BMP2K: variants seen among roughly 807,000 people sequenced by gnomAD.
The protein encoded by BMP2K is BMP-2-inducible protein kinase.
A neutral mutation model predicts 116.0 loss-of-function variants in BMP2K; 74 were observed. The observed-to-expected ratio is 0.64, with a 90% CI of 0.53 to 0.77. BMP2K has a LOEUF of 0.77. BMP2K is among the 30% of genes least tolerant of loss of function. The probability of loss-of-function intolerance (pLI) is 0.00; values close to 1 mark genes in which losing one functional copy is unlikely to be tolerated. For missense variants in BMP2K, 1,365 were observed against 1,403.6 expected (o/e 0.97, Z 0.44); for synonymous variants, 486 against 502.5 (o/e 0.97, Z 0.44).
chr4:78,839,758 G>T (rs957873965), intron 3 of BMP2K, among the ~76,000 whole-genome samples: 2 of 152,140 alleles, frequency 1.3e-5, no homozygotes, highest in East Asian at 1.9e-4. Flanking sequence ...ATGTTCAAGG[G>T]CAGGAAGCAT....
At chr4:78,893,237 C>CATCA (rs1489497878) in intron 15 of BMP2K, among the ~76,000 whole-genome samples, 2 of 152,212 alleles carry the variant, frequency 1.3e-5, no homozygotes, top group Non-Finnish European at 2.9e-5. Flanking sequence ...CAAGCATAAG[C>CATCA]AACTCCTCAT....
At chr4:78,870,508 T>A (rs1577944153) in intron 10 of BMP2K, among the ~76,000 whole-genome samples, 1 of 152,172 alleles carries the variant, frequency 6.6e-6, no homozygotes. Flanking sequence ...TAGAACAAAC[T>A]AACATGGATG....
Position 78,916,227 on chromosome 4 carries a change from T to C in BMP2K, c.*4194T>C, listed in dbSNP as rs1460240157. ...ACTTTATTGCCTTTACACTGCTTAT[T>C]CTTTTTGACTGAATTCTGTCCCTGA... is the stretch of plus-strand genomic sequence containing the variant. On this transcript the variant is annotated 3_prime_UTR_variant, in exon 16 of 16. Coordinates refer to ENST00000502613, the MANE Select transcript of BMP2K (RefSeq NM_198892.2). 1 of 151,984 alleles carries C rather than the reference T, an allele frequency of 6.6e-6. No individual in the cohort carries two copies. The highest frequency in any genetic ancestry group is 2.4e-5 in the African/African-American group (1 of 41,446). The allele number at this position is 151,984 out of a possible 1,614,324, so 9.4% of individuals were successfully genotyped here.
intron 3 of BMP2K, among the ~76,000 whole-genome samples, chr4:78,839,205 G>A (rs772543459): frequency 6.6e-6 from 1 of 152,194 alleles, no homozygotes; most frequent in Non-Finnish European, 1.5e-5. Flanking sequence ...TTTCTCACAT[G>A]GCAGTGGTTA....
intron 15 of BMP2K, among the ~76,000 whole-genome samples, chr4:78,896,258 G>GT (rs1258001018): frequency 1.3e-5 from 2 of 152,286 alleles, no homozygotes; most frequent in South Asian, 2.1e-4. Context: ...AATTTTGGCA[G>GT]TTTTTTATAC....
chr4:78,869,330 TA>T (rs1732217701), intron 10 of BMP2K, among the ~76,000 whole-genome samples: 1 of 152,052 alleles, frequency 6.6e-6, no homozygotes, highest in African/African-American at 2.4e-5. Flanking sequence ...CTGTTGTTAT[TA>T]AATTTTCAAG....
chr4:78,825,144 C>T (rs543523658), intron 1 of BMP2K, among the ~76,000 whole-genome samples: 3 of 152,212 alleles, frequency 2.0e-5, no homozygotes, highest in South Asian at 2.1e-4. Context: ...GCGGAGGTTG[C>T]GGTGAGCCGA....
chr4:78,888,087 G>A (rs1733201011), intron 15 of BMP2K: 1 of 152,180 alleles, frequency 6.6e-6, no homozygotes, highest in South Asian at 2.1e-4. Flanking sequence ...GAAGAATTGA[G>A]TGTTTAGGAT....
intron 3 of BMP2K, among the ~76,000 whole-genome samples, chr4:78,837,233 A>T (rs1432771518): frequency 6.6e-6 from 1 of 151,708 alleles, no homozygotes; most frequent in Admixed American, 6.6e-5. Context: ...TCTGTCACCT[A>T]AGCTAAAGGG....
intron 6 of BMP2K, among the ~76,000 whole-genome samples, chr4:78,848,544 GCAT>G (rs1269627300): frequency 6.6e-6 from 1 of 151,406 alleles, no homozygotes; most frequent in Non-Finnish European, 1.5e-5. Flanking sequence ...TAAACAATAG[GCAT>G]CATACTTTTC....
intron 1 of BMP2K, among the ~76,000 whole-genome samples, chr4:78,809,567 A>G (rs1054846521): frequency 3.9e-5 from 6 of 151,930 alleles, no homozygotes; most frequent in Non-Finnish European, 7.4e-5. Context: ...TCTTGTACAG[A>G]CGAGGTTTCA....
chr4:78,814,864 A>G (rs1349190899), intron 1 of BMP2K, among the ~76,000 whole-genome samples: 1 of 152,128 alleles, frequency 6.6e-6, no homozygotes, highest in African/African-American at 2.4e-5. Context: ...ATTTGATATT[A>G]TTATATTCAC....
intron 1 of BMP2K, among the ~76,000 whole-genome samples, chr4:78,810,899 A>G (rs1274703346): frequency 6.6e-6 from 1 of 152,112 alleles, no homozygotes; most frequent in Non-Finnish European, 1.5e-5. Context: ...CAGTATCCTC[A>G]TTGCTTTTTT....
intron 4 of BMP2K, among the ~76,000 whole-genome samples, 168 bp downstream of exon 4, chr4:78,842,695 T>A (rs1375194889): frequency 1.3e-5 from 2 of 152,040 alleles, no homozygotes; most frequent in Non-Finnish European, 2.9e-5. Context: ...GAAATTGTGC[T>A]TTACTTGACT....
intron 10 of BMP2K, among the ~76,000 whole-genome samples, chr4:78,869,550 A>G (rs185627443): frequency 1.7e-4 from 26 of 152,316 alleles, no homozygotes; most frequent in African/African-American, 5.8e-4. Context: ...AAAAATGACA[A>G]TGCTTGCAGT....
intron 5 of BMP2K, 46 bp from the exon 6 acceptor site, chr4:78,847,139 TTTA>T (rs1413482661): frequency 8.7e-6 from 9 of 1,030,020 alleles, no homozygotes; most frequent in Admixed American, 3.3e-5. Context: ...CTGTCTTTTT[TTTA>T]TATATATATA....
At chr4:78,895,981 T>C (rs1342071184) in intron 15 of BMP2K, among the ~76,000 whole-genome samples, 1 of 152,100 alleles carries the variant, frequency 6.6e-6, no homozygotes, top group Non-Finnish European at 1.5e-5. Context: ...AGGCTGATCT[T>C]GAATTTCTGG....
chr4:78,852,983 A>G (rs1037434275), intron 7 of BMP2K, among the ~76,000 whole-genome samples: 1 of 152,238 alleles, frequency 6.6e-6, no homozygotes. Context: ...TGTGTTTATA[A>G]TATGTAATTA....
intron 10 of BMP2K, among the ~76,000 whole-genome samples, chr4:78,866,957 A>G (rs2110053470): frequency 6.6e-6 from 1 of 152,234 alleles, no homozygotes; most frequent in Middle Eastern, 3.4e-3. Flanking sequence ...CATGCTTGTA[A>G]TCCCAGCACT....
Sources: allele counts gnomAD v4.1 joint callset (sites outside exome capture counted in the v4.1 genomes callset), GRCh38; gene constraint gnomAD v4.1.1; transcripts MANE v1.5; gene names NCBI Gene and HGNC (gene_info 2026-07-23, HGNC 2026-07-21).